The following ATP10A variants were observed in gnomAD, a reference collection of about 807,000 sequenced individuals.
ATP10A encodes the protein ATPase phospholipid transporting 10A (putative), also known as phospholipid-transporting ATPase VA.
ATP10A carries 111 observed loss-of-function variants against 147.8 expected under a neutral mutation model. The ratio of observed to expected loss-of-function variants is 0.75; its 90% CI spans 0.64 to 0.88. ATP10A has a LOEUF of 0.88. Ranked by LOEUF, ATP10A falls within the 40% of genes least tolerant of loss-of-function variation. The pLI, the probability that ATP10A is intolerant of heterozygous loss-of-function variation, is 0.00. For missense variants in ATP10A, 1,927 were observed against 1,959.0 expected, an observed-to-expected ratio of 0.98 and a Z score of 0.31; for synonymous variants, 875 against 841.6, an observed-to-expected ratio of 1.04 and a Z score of -0.69.
At chr15:25,792,079 T>C (rs375102879) in intron 1 of ATP10A, among the ~76,000 whole-genome samples, 9 of 152,244 alleles carry the variant, frequency 5.9e-5, no homozygotes, top group African/African-American at 2.2e-4. Context: ...CCAATGCTGC[T>C]TCTTCCAGAC....
intron 2 of ATP10A, among the ~76,000 whole-genome samples, chr15:25,780,518 G>A (rs964445760): frequency 2.6e-5 from 4 of 152,164 alleles, no homozygotes; most frequent in Admixed American, 2.0e-4. Context: ...GCTGTCACAC[G>A]TGCTTCCCTC....
At chr15:25,723,796 T>C (rs1567333889) in intron 6 of ATP10A, 95 bp downstream of exon 6, 2 of 1,182,746 alleles carry the variant, frequency 1.7e-6, no homozygotes, top group East Asian at 2.7e-5. Context: ...TCTTCCTAGA[T>C]GCAGAATTTA....
intron 1 of ATP10A, among the ~76,000 whole-genome samples, chr15:25,800,036 T>A (rs933422420): frequency 2.6e-5 from 4 of 152,120 alleles, no homozygotes; most frequent in African/African-American, 9.7e-5. Context: ...CAAAGAACCT[T>A]GTCATTAGAC....
At chr15:25,723,787 C>A in intron 6 of ATP10A, 104 bp downstream of exon 6, 1 of 1,077,642 alleles carries the variant, frequency 9.3e-7, no homozygotes, top group Non-Finnish European at 1.3e-6. Context: ...TATTTGCCAT[C>A]TTCCTAGATG....
intron 1 of ATP10A, among the ~76,000 whole-genome samples, chr15:25,834,858 A>G (rs1892522412): frequency 6.6e-6 from 1 of 152,248 alleles, no homozygotes; most frequent in African/African-American, 2.4e-5. Context: ...GAAACCAGTT[A>G]CAAAGGACCA....
At chr15:25,747,933 G>T in intron 2 of ATP10A, among the ~76,000 whole-genome samples, 1 of 151,800 alleles carries the variant, frequency 6.6e-6, no homozygotes, top group South Asian at 2.1e-4. Flanking sequence ...AAACACAAAA[G>T]TACAAGTCTA....
At chr15:25,688,444 G>A (rs544244216) in intron 15 of ATP10A, among the ~76,000 whole-genome samples, 5 of 152,322 alleles carry the variant, frequency 3.3e-5, no homozygotes, top group African/African-American at 1.2e-4. Context: ...GGACAGGCAG[G>A]AGCCTGCCAT....
At chr15:25,771,897 C>T (rs1254337713) in intron 2 of ATP10A, among the ~76,000 whole-genome samples, 5 of 151,900 alleles carry the variant, frequency 3.3e-5, no homozygotes, top group African/African-American at 7.3e-5. Context: ...GAATTACAGG[C>T]GCCCACCACC....
intron 2 of ATP10A, among the ~76,000 whole-genome samples, chr15:25,747,955 C>T: frequency 6.6e-6 from 1 of 151,772 alleles, no homozygotes; most frequent in Non-Finnish European, 1.5e-5. Context: ...CTTATTTAGG[C>T]AAAAATTCTT....
At chr15:25,785,210 G>A (rs180821876) in intron 1 of ATP10A, among the ~76,000 whole-genome samples, 58 of 152,212 alleles carry the variant, frequency 3.8e-4, no homozygotes, top group Middle Eastern at 3.4e-3. Context: ...TGTGTCCCCC[G>A]AGAGACTATT....
At chr15:25,843,548 A>C (rs1892900806) in intron 1 of ATP10A, among the ~76,000 whole-genome samples, 1 of 152,162 alleles carries the variant, frequency 6.6e-6, no homozygotes, top group Non-Finnish European at 1.5e-5. Context: ...TGCATCCCGC[A>C]TCACAGCAAA....
At chr15:25,821,555 G>A (rs1408271635) in intron 1 of ATP10A, among the ~76,000 whole-genome samples, 2 of 152,180 alleles carry the variant, frequency 1.3e-5, no homozygotes, top group Non-Finnish European at 2.9e-5. Flanking sequence ...GAGTTGGGGA[G>A]GGGCCTCTCT....
In ATP10A at chr15:25,781,184, G is replaced by C; in HGVS notation, c.489C>G (p.Ile163Met). 1.2e-6 allele frequency: 2 copies of C among 1,614,158 alleles called. No homozygotes were observed. Among genetic ancestry groups the C allele is most frequent in the Non-Finnish European group, 1.7e-6 (2 of 1,180,026 alleles). Residue 163 changes from isoleucine to methionine, a missense_variant, in exon 2 of 21, where the codon ATC becomes ATG. Physicochemically the swap from Ile to Met is conservative, Grantham distance 10. Coordinates refer to ENST00000555815, the MANE Select transcript of ATP10A (RefSeq NM_024490.4). ...GAAGACGCACAAAGTCTCCCACGTG[G>C]ATTTCTTTCCAGAATCGGTTCACGT... Reference protein sequence around the residue: ...KKYVNRFWKEIHVGDFVRLRC... With the variant: ...KKYVNRFWKEMHVGDFVRLRC...
chr15:25,680,110 C>G lies in ATP10A; in HGVS notation c.3866+11G>C. 6.2e-7 allele frequency: 1 copy of G among 1,612,454 alleles called. No homozygotes were observed. Among genetic ancestry groups the G allele is most frequent in the Non-Finnish European group, 8.5e-7 (1 of 1,179,472 alleles). ...CGGGGCTCAGAGGCACTATCCCGCT[C>G]CGACACCCACCTGGGCAGCAGTGCA... On this transcript the variant is annotated intron_variant, in intron 20 of 20. Coordinates refer to ENST00000555815, the MANE Select transcript of ATP10A (RefSeq NM_024490.4).
intron 2 of ATP10A, among the ~76,000 whole-genome samples, chr15:25,767,906 A>G (rs1349193377): frequency 6.6e-6 from 1 of 152,216 alleles, no homozygotes; most frequent in Non-Finnish European, 1.5e-5. Flanking sequence ...AGACGCATCT[A>G]ACATGCCAAC....
chr15:25,748,088 G>A (rs952590792), intron 2 of ATP10A, among the ~76,000 whole-genome samples: 7 of 151,646 alleles, frequency 4.6e-5, no homozygotes, highest in African/African-American at 9.7e-5. Flanking sequence ...TCAGCCTCCC[G>A]AGTAGCTGGG....
intron 2 of ATP10A, 36 bp from the exon 3 acceptor site, chr15:25,736,177 G>A (rs1887265984): frequency 6.3e-7 from 1 of 1,578,610 alleles, no homozygotes; most frequent in Non-Finnish European, 8.7e-7. Flanking sequence ...GAGAAATCCG[G>A]GCTCAGGCTG....
At position 25,826,157 on chromosome 15, in the gene ATP10A, T is replaced by C. The variant is rs1205443345; in HGVS notation, c.449+36491A>G. On this transcript the variant is annotated intron_variant, in intron 1 of 20. Coordinates refer to ENST00000555815, the MANE Select transcript of ATP10A (RefSeq NM_024490.4). ...AACAGACAGAAAAAAAATGAAGAAATAGCAACAGTCTCAGAGTCCCGTAGG... is the reference window on the plus strand; with the variant it reads ...AACAGACAGAAAAAAAATGAAGAAACAGCAACAGTCTCAGAGTCCCGTAGG... Among the ~76,000 whole-genome samples, 3 of 151,782 alleles carry C rather than the reference T, an allele frequency of 2.0e-5. No homozygotes were observed. The East Asian group carries it at 5.8e-4, about 29-fold the overall frequency.
At chr15:25,724,321 C>T (rs1315904284) in intron 5 of ATP10A, among the ~76,000 whole-genome samples, 4 of 152,276 alleles carry the variant, frequency 2.6e-5, no homozygotes, top group South Asian at 4.1e-4. Flanking sequence ...CAGTGTGAGG[C>T]GCCAAGACAG....
Sources: gnomAD v4.1 joint callset for allele counts (sites outside exome capture counted in the v4.1 genomes callset) on GRCh38, gnomAD v4.1.1 for gene constraint, MANE v1.5 for transcripts, NCBI Gene and HGNC (gene_info 2026-07-23, HGNC 2026-07-21) for gene names.